TAB2: variants seen among roughly 807,000 people sequenced by gnomAD.
TAB2 encodes the protein TGF-beta activated kinase 1 (MAP3K7) binding protein 2, also known as TGF-beta-activated kinase 1 and MAP3K7-binding protein 2.
TAB2 carries 3 observed loss-of-function variants against 65.0 expected under a neutral mutation model. That is an observed-to-expected ratio of 0.05 (90% CI 0.02 to 0.12). TAB2 has a LOEUF of 0.12. TAB2 is among the 10% of genes least tolerant of loss of function. The pLI is 1.00. For missense variants in TAB2, 623 were observed against 840.3 expected, an observed-to-expected ratio of 0.74 and a Z score of 3.20; for synonymous variants, 298 against 285.1, an observed-to-expected ratio of 1.05 and a Z score of -0.46.
At chr6:149,291,861 T>TA (rs1362295491) in intron 1 of TAB2, among the ~76,000 whole-genome samples, 1 of 152,086 alleles carries the variant, frequency 6.6e-6, no homozygotes, top group East Asian at 1.9e-4. Flanking sequence ...ACCCTGTCTC[T>TA]AAAAAAACAA....
At chr6:149,253,946 A>AAG (rs746875196) in intron 1 of TAB2, among the ~76,000 whole-genome samples, 4,591 of 102,200 alleles carry the variant, frequency 0.045, 108 homozygotes, top group East Asian at 0.076. Context: ...AAGAAAGAGA[A>AAG]AGAAAGAAAG....
At chr6:149,400,796 T>G (rs1782359023) in intron 6 of TAB2, 2 of 1,139,472 alleles carry the variant, frequency 1.8e-6, no homozygotes, top group African/African-American at 3.1e-5. Flanking sequence ...CAGTATAGTT[T>G]TCTCTATTCT....
At chr6:149,236,682 A>C (rs1168211906) in intron 1 of TAB2, among the ~76,000 whole-genome samples, 1 of 152,214 alleles carries the variant, frequency 6.6e-6, no homozygotes, top group Non-Finnish European at 1.5e-5. Context: ...AAAAAATGGA[A>C]AGGAACTTGG....
At chr6:149,355,685 CTA>C (rs959055354) in intron 1 of TAB2, among the ~76,000 whole-genome samples, 1 of 143,710 alleles carries the variant, frequency 7.0e-6, no homozygotes, top group Non-Finnish European at 1.5e-5. Context: ...AAAAAAAAAA[CTA>C]TGTTAAACTT....
chr6:149,274,010 G>A (rs568344789), intron 1 of TAB2, among the ~76,000 whole-genome samples: 28 of 152,244 alleles, frequency 1.8e-4, no homozygotes, highest in South Asian at 4.1e-4. Context: ...AGTGATTAGC[G>A]AAAAAATAAT....
At chr6:149,359,904 C>T (rs1480734287) in intron 1 of TAB2, among the ~76,000 whole-genome samples, 1 of 152,096 alleles carries the variant, frequency 6.6e-6, no homozygotes, top group African/African-American at 2.4e-5. Context: ...GTTTTTTTCT[C>T]CCAAAAGTAA....
chr6:149,357,603 A>G (rs1453371859), intron 1 of TAB2, among the ~76,000 whole-genome samples: 1 of 152,166 alleles, frequency 6.6e-6, no homozygotes, highest in Non-Finnish European at 1.5e-5. Flanking sequence ...CCATGTCAGT[A>G]CATTTAGATG....
rs755254675 is a variant in TAB2, at chr6:149,379,133, A to C, written c.1218A>C (p.Thr406=). Residue 406 remains threonine (T), a synonymous_variant, in exon 3 of 7, where the codon ACA becomes ACC. Transcript: ENST00000637181. ...GDEQVMRNQP[T]LFISTNSGAS... ...AACAGGTCATGCGGAATCAGCCCAC[A>C]CTCTTCATATCCACAAACTCTGGAG... 1 of 1,613,848 alleles carries C rather than the reference A, an allele frequency of 6.2e-7. No individual in the cohort carries two copies. The highest frequency in any genetic ancestry group is 8.5e-7 in the Non-Finnish European group (1 of 1,179,972).
chr6:149,294,622 C>G (rs1554256890), intron 1 of TAB2, among the ~76,000 whole-genome samples: 1 of 152,214 alleles, frequency 6.6e-6, no homozygotes, highest in Non-Finnish European at 1.5e-5. Context: ...TTCCTCCTAT[C>G]TAATTCCACG....
At chr6:149,383,690 C>G (rs2114903836) in intron 3 of TAB2, among the ~76,000 whole-genome samples, 1 of 152,338 alleles carries the variant, frequency 6.6e-6, no homozygotes, top group African/African-American at 2.4e-5. Flanking sequence ...TCAAGCAGTT[C>G]TCCTGCCTCA....
At position 149,307,756 on chromosome 6, in the gene TAB2, T is replaced by C. The variant is rs143257041; in HGVS notation, c.-120-70262T>C. 1.2e-4 allele frequency among the ~76,000 whole-genome samples: 19 copies of C among 152,356 alleles called. No homozygotes were observed. In the East Asian group the frequency reaches 3.7e-3, roughly 29 times the overall value. The stretch of plus-strand genomic sequence containing the variant: ...TTTTTCAGAAATATTTAAGGAACAA[T>C]TTTGAATAATTTTATTTTGACATAT... On this transcript the variant is annotated intron_variant, in intron 1 of 1. Coordinates refer to the TAB2 transcript ENST00000606202.
chr6:149,243,755 G>A (rs1367822318), intron 1 of TAB2: 1 of 152,210 alleles, frequency 6.6e-6, no homozygotes, highest in African/African-American at 2.4e-5. Flanking sequence ...TCATCAAAGG[G>A]AAGGAGTTGA....
chr6:149,337,321 A>G (rs969114918), intron 1 of TAB2, among the ~76,000 whole-genome samples: 1 of 152,180 alleles, frequency 6.6e-6, no homozygotes, highest in Admixed American at 6.5e-5. Context: ...GGCTTTCTTT[A>G]TAATCCTAGA....
chr6:149,230,228 C>T (rs940502040), intron 1 of TAB2: 1 of 152,180 alleles, frequency 6.6e-6, no homozygotes, highest in African/African-American at 2.4e-5. Context: ...ATAATGTTTG[C>T]AATCATTTAT....
chr6:149,275,301 A>AAAGAAAGG (rs1491272656), intron 1 of TAB2, among the ~76,000 whole-genome samples: 3 of 112,012 alleles, frequency 2.7e-5, no homozygotes, highest in African/African-American at 3.8e-5. Flanking sequence ...AGAAAGAAAG[A>AAAGAAAGG]GAAAAAAGAA....
At chr6:149,369,611 C>T (rs553073787) in intron 1 of TAB2, among the ~76,000 whole-genome samples, 1 of 152,236 alleles carries the variant, frequency 6.6e-6, no homozygotes, top group Admixed American at 6.5e-5. Context: ...ATTTCTTCTC[C>T]CTTTTTAAAA....
At chr6:149,225,667 G>A (rs560169425) in intron 1 of TAB2, among the ~76,000 whole-genome samples, 225 of 152,058 alleles carry the variant, frequency 1.5e-3, no homozygotes, top group African/African-American at 5.2e-3. Context: ...CCAATGATAG[G>A]GGACACAATT....
chr6:149,231,457 T>G lies in TAB2; in HGVS notation c.-121+12681T>G, dbSNP rs542274473. Reference sequence around the variant, plus strand: ...ATGTATGTAGGAAGCAATCATTTGTTTAACAACTCTTTGTGGTGTTTTCTT... The same window carrying G: ...ATGTATGTAGGAAGCAATCATTTGTGTAACAACTCTTTGTGGTGTTTTCTT... On this transcript the variant is annotated intron_variant, in intron 1 of 1. Transcript: ENST00000606202. Among the ~76,000 whole-genome samples, 14 of 152,364 alleles carry G rather than the reference T, an allele frequency of 9.2e-5. No homozygotes were observed. In the South Asian group the frequency reaches 1.9e-3, roughly 20 times the overall value.
intron 3 of TAB2, among the ~76,000 whole-genome samples, chr6:149,387,957 C>A (rs1354975453): frequency 6.6e-6 from 1 of 152,078 alleles, no homozygotes; most frequent in Non-Finnish European, 1.5e-5. Flanking sequence ...AACAGTGCTG[C>A]AATAAAAATC....
Sources: gnomAD v4.1 joint callset for allele counts (sites outside exome capture counted in the v4.1 genomes callset) on GRCh38, gnomAD v4.1.1 for gene constraint, MANE v1.5 for transcripts, NCBI Gene and HGNC (gene_info 2026-07-23, HGNC 2026-07-21) for gene names.